FDXR: variants seen among roughly 807,000 people sequenced by gnomAD.
FDXR encodes the protein ferredoxin reductase.
In FDXR, 38 loss-of-function variants were observed where a neutral mutation model predicts 58.3. That is an observed-to-expected ratio of 0.65 (90% CI 0.50 to 0.85). The LOEUF is 0.85. FDXR is among the 40% of genes least tolerant of loss of function. FDXR has a pLI of 0.00. For synonymous variants in FDXR, 275 were observed against 273.8 expected (o/e 1.00, Z -0.04); for missense variants, 624 against 671.0 (o/e 0.93, Z 0.77).
In FDXR at chr17:74,866,164, C is replaced by G; in HGVS notation, c.474G>C (p.Val158=). Residue 158 remains valine (V), a synonymous_variant, in exon 5 of 12, where the codon GTG becomes GTC. Coordinates refer to ENST00000293195, the MANE Select transcript of FDXR (RefSeq NM_024417.5). ...LPGVCSARAF[V]GWYNGLPENQ... ...TCTCAGGAAGCCCGTTGTACCAGCCCACGAAGGCCCGGGCGGAGCACACAC... is the reference window on the plus strand; with the variant it reads ...TCTCAGGAAGCCCGTTGTACCAGCCGACGAAGGCCCGGGCGGAGCACACAC... 6.2e-7 allele frequency: 1 copy of G among 1,613,882 alleles called. No individual in the cohort carries two copies. The highest frequency in any genetic ancestry group is 8.5e-7 in the Non-Finnish European group (1 of 1,179,970).
At chr17:74,866,991 C>A in intron 2 of FDXR, 115 bp from the exon 3 acceptor site, 1 of 1,515,396 alleles carries the variant, frequency 6.6e-7, no homozygotes, top group Admixed American at 2.1e-5. Flanking sequence ...GCTGAGAACA[C>A]AAGGCTTCCA....
chr17:74,866,311 C>T, intron 4 of FDXR, 67 bp from the exon 5 acceptor site: 1 of 1,568,432 alleles, frequency 6.4e-7, no homozygotes. Flanking sequence ...CGGGCAGCCC[C>T]CCAGGCTCCC....
chr17:74,867,168 G>C (rs571884249), intron 2 of FDXR, among the ~76,000 whole-genome samples: 1 of 151,918 alleles, frequency 6.6e-6, no homozygotes, highest in East Asian at 1.9e-4. Context: ...TTAGCTGAGC[G>C]TGGTGGTAGG....
At chr17:74,870,798 T>TCA (rs1491534969) in intron 2 of FDXR, among the ~76,000 whole-genome samples, 1 of 7,984 alleles carries the variant, frequency 1.3e-4, no homozygotes, top group African/African-American at 8.1e-4. Flanking sequence ...ACTGTCTCTC[T>TCA]TTTTTTTTTT....
chr17:74,871,407 C>G (rs1056711929), intron 2 of FDXR, among the ~76,000 whole-genome samples: 54 of 152,248 alleles, frequency 3.5e-4, no homozygotes, highest in African/African-American at 1.2e-3. Context: ...AGGCAACTGT[C>G]TCACGTCTCA....
At chr17:74,870,915 G>A (rs762265663) in intron 2 of FDXR, among the ~76,000 whole-genome samples, 2 of 143,598 alleles carry the variant, frequency 1.4e-5, no homozygotes, top group Non-Finnish European at 3.0e-5. Flanking sequence ...CGATCCTCCC[G>A]ACTCAGCCTC....
At chr17:74,863,272 G>A in intron 10 of FDXR, 26 bp from the exon 11 acceptor site, 2 of 1,601,592 alleles carry the variant, frequency 1.2e-6, no homozygotes, top group Non-Finnish European at 1.7e-6. Flanking sequence ...AAAAGGGGAA[G>A]GGAGGGAGGT....
chr17:74,870,659 C>T (rs2038345956), intron 2 of FDXR, among the ~76,000 whole-genome samples: 1 of 152,074 alleles, frequency 6.6e-6, no homozygotes, highest in Non-Finnish European at 1.5e-5. Context: ...CCCTGATCTC[C>T]ATCCCAGAGC....
chr17:74,866,731 C>T, intron 3 of FDXR, 53 bp downstream of exon 3: 7 of 1,605,920 alleles, frequency 4.4e-6, no homozygotes, highest in Middle Eastern at 3.4e-4. Flanking sequence ...CCCTGCCCTC[C>T]TCATCTTGAC....
chr17:74,866,037 G>A lies in FDXR; in HGVS notation c.507+94C>T, dbSNP rs888505891. On this transcript the variant is annotated intron_variant, in intron 5 of 11. Coordinates refer to ENST00000293195, the MANE Select transcript of FDXR (RefSeq NM_024417.5). ...CTCAGTCAGCACAATGTCACAGCTC[G>A]CCACTGGATGGCAGCTCCCTCTTCC... 4.8e-5 allele frequency: 50 copies of A among 1,048,940 alleles called. 1 individual carries two copies. Among genetic ancestry groups the A allele is most frequent in the South Asian group, 2.9e-4 (21 of 71,560 alleles). 65.0% of individuals were successfully genotyped at this position (1,048,940 alleles called of 1,614,324 possible). A position where few individuals can be genotyped will look rare whatever the true frequency, so the allele number is the denominator to read the frequency against.
chr17:74,863,471 G>C (rs1215525945), intron 10 of FDXR, among the ~76,000 whole-genome samples: 1 of 152,192 alleles, frequency 6.6e-6, no homozygotes, highest in South Asian at 2.1e-4. Context: ...TAGATGAGGG[G>C]ATCCCTAAGC....
intron 2 of FDXR, among the ~76,000 whole-genome samples, chr17:74,867,805 C>T (rs2144668729): frequency 6.6e-6 from 1 of 152,296 alleles, no homozygotes; most frequent in East Asian, 1.9e-4. Context: ...CAGCAAGTCC[C>T]AGGGCCTCCC....
chr17:74,872,720 C>A, intron 1 of FDXR, 146 bp downstream of exon 1: 1 of 1,506,180 alleles, frequency 6.6e-7, no homozygotes, highest in Non-Finnish European at 8.9e-7. Flanking sequence ...CGCCCACCCC[C>A]GTACACCACC....
Position 74,862,816 on chromosome 17 carries a change from C to T in FDXR, c.*1G>A, listed in dbSNP as rs376002306. The T allele has an allele frequency of 3.1e-6, 5 of 1,608,280 alleles. No homozygotes were observed. In the East Asian group the frequency reaches 8.9e-5, roughly 29 times the overall value. The stretch of plus-strand genomic sequence containing the variant: ...GCTGGGGGCCGGGGCTGGGGCTGGG[C>T]TCAGTGGCCCAGGAGGCGCAGCATC... On this transcript the variant is annotated 3_prime_UTR_variant, in exon 12 of 12. Transcript: ENST00000293195.
chr17:74,862,689 A>C lies in FDXR; in HGVS notation c.*128T>G. ...CAGGAGGGAGGAGAGACGCTGGAAG[A>C]GCAGCCAAGCCTCCAAGCCAGGGCC... On this transcript the variant is annotated 3_prime_UTR_variant, in exon 12 of 12. Transcript: ENST00000293195. The C allele has an allele frequency of 7.8e-7, 1 of 1,288,108 alleles. No individual in the cohort carries two copies. The highest frequency in any genetic ancestry group is 1.0e-6 in the Non-Finnish European group (1 of 953,040). 79.8% of individuals were successfully genotyped at this position (1,288,108 alleles called of 1,614,324 possible).
At chr17:74,864,982 G>T (rs768502863) in intron 6 of FDXR, 51 bp from the exon 7 acceptor site, 13 of 1,613,286 alleles carry the variant, frequency 8.1e-6, no homozygotes, top group Non-Finnish European at 9.3e-6. Flanking sequence ...CGAGGAAAGG[G>T]GACTCTCCAT....
chr17:74,865,846 TC>T, intron 5 of FDXR, 26 bp from the exon 6 acceptor site: 2 of 1,552,992 alleles, frequency 1.3e-6, no homozygotes, highest in Non-Finnish European at 8.8e-7. Flanking sequence ...CTTGATAGGG[TC>T]CCCCAGCCTC....
chr17:74,867,052 A>G, intron 2 of FDXR, 176 bp from the exon 3 acceptor site: 1 of 1,403,506 alleles, frequency 7.1e-7, no homozygotes, highest in Non-Finnish European at 9.4e-7. Flanking sequence ...CGCGCCTGTC[A>G]GCCCAGCACT....
chr17:74,864,245 G>T lies in FDXR; in HGVS notation c.905C>A (p.Ala302Asp). The T allele has an allele frequency of 6.2e-7, 1 of 1,603,894 alleles. No homozygotes were observed. Among genetic ancestry groups the T allele is most frequent in the South Asian group, 1.1e-5 (1 of 90,928 alleles). The change falls in exon 9 of 12, where the codon GCC (alanine) becomes GAC (aspartate). Residue 302 changes from alanine to aspartate, a missense_variant. Transcript: ENST00000293195. ...EAARQASASRAWGLRFFRSPQ... is the reference protein window; with the variant it reads ...EAARQASASRDWGLRFFRSPQ... ...GCTTCGGAAAAAGCGGAGGCCCCAG[G>T]CACGGGAGGCCGATGCCTGGCGGGC...
Sources: allele counts gnomAD v4.1 joint callset (sites outside exome capture counted in the v4.1 genomes callset), GRCh38; gene constraint gnomAD v4.1.1; transcripts MANE v1.5; gene names NCBI Gene and HGNC (gene_info 2026-07-23, HGNC 2026-07-21).